Variants in SORBS2 observed in about 807,000 individuals in gnomAD.
The protein encoded by SORBS2 is sorbin and SH3 domain containing 2.
A neutral mutation model predicts 97.7 loss-of-function variants in SORBS2; 46 were observed. The ratio of observed to expected loss-of-function variants is 0.47; its 90% CI spans 0.37 to 0.60. SORBS2 has a LOEUF of 0.60. Among genes scored for constraint, SORBS2 ranks in the 20% least tolerant of loss-of-function variants. The pLI is 0.00. For synonymous variants in SORBS2, 476 were observed against 473.4 expected, an observed-to-expected ratio of 1.01 and a Z score of -0.07; for missense variants, 1,316 against 1,282.3, an observed-to-expected ratio of 1.03 and a Z score of -0.40.
At chr4:185,742,476 C>T (rs1217500657) in intron 2 of SORBS2, among the ~76,000 whole-genome samples, 1 of 152,196 alleles carries the variant, frequency 6.6e-6, no homozygotes, top group Non-Finnish European at 1.5e-5. Flanking sequence ...GCACCTACTA[C>T]TGCCCAGACA....
At chr4:185,646,574 G>T in intron 4 of SORBS2, 94 bp downstream of exon 13, 1 of 698,406 alleles carries the variant, frequency 1.4e-6, no homozygotes, top group South Asian at 1.7e-5. Flanking sequence ...TTACCTTTGT[G>T]ACAAAAATTG....
intron 1 of SORBS2, among the ~76,000 whole-genome samples, chr4:185,928,923 C>A (rs1200245614): frequency 2.0e-5 from 3 of 152,148 alleles, no homozygotes; most frequent in Admixed American, 6.5e-5. Flanking sequence ...AAGTCATGGG[C>A]ACTGTGTTGA....
intron 2 of SORBS2, among the ~76,000 whole-genome samples, chr4:185,759,997 T>C (rs2098862819): frequency 6.6e-6 from 1 of 152,192 alleles, no homozygotes; most frequent in African/African-American, 2.4e-5. Flanking sequence ...ATTTCCATCG[T>C]AGACTCCACG....
intron 2 of SORBS2, among the ~76,000 whole-genome samples, chr4:185,736,927 G>T (rs1447978149): frequency 6.6e-6 from 1 of 152,200 alleles, no homozygotes; most frequent in Non-Finnish European, 1.5e-5. Context: ...TACTGGCACG[G>T]TTTCTCCCTG....
At chr4:185,678,306 C>A (rs1582546949) in intron 4 of SORBS2, 117 bp downstream of exon 7, 1 of 941,170 alleles carries the variant, frequency 1.1e-6, no homozygotes, top group Non-Finnish European at 1.5e-6. Context: ...AATACAAAAG[C>A]AAAAACATAT....
chr4:185,704,963 G>A (rs974407926), intron 2 of SORBS2, among the ~76,000 whole-genome samples: 9 of 152,308 alleles, frequency 5.9e-5, no homozygotes, highest in African/African-American at 2.2e-4. Flanking sequence ...CAATGGATCC[G>A]AAATGGATGA....
chr4:185,794,884 C>A (rs112922547), intron 1 of SORBS2, among the ~76,000 whole-genome samples: 2,530 of 152,084 alleles, frequency 0.017, 64 homozygotes, highest in African/African-American at 0.057. Context: ...AGACCTCTGG[C>A]CTGGGGAGAA....
intron 2 of SORBS2, among the ~76,000 whole-genome samples, chr4:185,694,387 C>T (rs1368083013): frequency 6.6e-6 from 1 of 152,184 alleles, no homozygotes. Context: ...TGGAGACTAC[C>T]TTGAGCCTTA....
intron 1 of SORBS2, among the ~76,000 whole-genome samples, chr4:185,919,809 T>C (rs1203405323): frequency 6.6e-6 from 1 of 152,264 alleles, no homozygotes; most frequent in Non-Finnish European, 1.5e-5. Flanking sequence ...TATCTTATTG[T>C]CCTGCTGTCA....
intron 2 of SORBS2, among the ~76,000 whole-genome samples, chr4:185,703,896 T>C (rs1436904800): frequency 1.3e-5 from 2 of 152,130 alleles, no homozygotes; most frequent in Non-Finnish European, 2.9e-5. Flanking sequence ...AAAGTGCTTG[T>C]GAAAAAAGGC....
intron 1 of SORBS2, among the ~76,000 whole-genome samples, chr4:185,921,564 G>C (rs2099260928): frequency 6.6e-6 from 1 of 152,136 alleles, no homozygotes; most frequent in African/African-American, 2.4e-5. Flanking sequence ...AATTGATCAG[G>C]AGTTCAAGAC....
exon 4 of SORBS2, chr4:185,646,670 G>C (rs1023125188): frequency 1.3e-6 from 2 of 1,594,714 alleles, no homozygotes; most frequent in East Asian, 4.5e-5. Flanking sequence ...GTGCTTACTG[G>C]TCTTTCATGC....
At chr4:185,902,248 A>G (rs776966010) in intron 1 of SORBS2, among the ~76,000 whole-genome samples, 63 of 152,178 alleles carry the variant, frequency 4.1e-4, no homozygotes, top group Non-Finnish European at 1.5e-4. Flanking sequence ...TCTGAGTCCT[A>G]CTTTTAATAC....
intron 2 of SORBS2, among the ~76,000 whole-genome samples, chr4:185,757,691 G>C (rs969419319): frequency 7.2e-5 from 11 of 152,204 alleles, no homozygotes; most frequent in African/African-American, 2.7e-4. Flanking sequence ...TGGTCTAGCA[G>C]AGAGAAGCCT....
At chr4:185,633,825 T>C (rs894652120) in intron 4 of SORBS2, among the ~76,000 whole-genome samples, 1 of 151,882 alleles carries the variant, frequency 6.6e-6, no homozygotes, top group African/African-American at 2.4e-5. Context: ...GAATTGGACA[T>C]GATGCACTCT....
chr4:185,815,646 C>T lies in SORBS2; in HGVS notation c.-337-40280G>A, dbSNP rs540881400. Among the ~76,000 whole-genome samples, 16 of 152,024 alleles carry T rather than the reference C, an allele frequency of 1.1e-4. 1 individual carries two copies. In the South Asian group the frequency reaches 2.3e-3, roughly 22 times the overall value. On this transcript the variant is annotated intron_variant, in intron 1 of 20. Transcript: ENST00000284776. Reference sequence around the variant, plus strand: ...CACATATATATGCTCTAATAGTATACGCACACACATATATATGGAGAGAGA... The same window carrying T: ...CACATATATATGCTCTAATAGTATATGCACACACATATATATGGAGAGAGA...
At chr4:185,812,469 A>G (rs927077315) in intron 1 of SORBS2, among the ~76,000 whole-genome samples, 33 of 152,190 alleles carry the variant, frequency 2.2e-4, no homozygotes, top group African/African-American at 7.7e-4. Flanking sequence ...ACTCTTTTTT[A>G]TATGAGCCGG....
intron 2 of SORBS2, among the ~76,000 whole-genome samples, chr4:185,761,014 T>G (rs556522334): frequency 6.6e-6 from 1 of 152,350 alleles, no homozygotes; most frequent in Non-Finnish European, 1.5e-5. Context: ...CAGACACACA[T>G]ATACTTGTGT....
intron 2 of SORBS2, among the ~76,000 whole-genome samples, chr4:185,769,578 C>A (rs1260049084): frequency 1.3e-5 from 2 of 152,268 alleles, no homozygotes; most frequent in East Asian, 3.9e-4. Flanking sequence ...GCAACCTGTG[C>A]CTCCCGGGTT....
Sources: gnomAD v4.1 joint callset for allele counts (sites outside exome capture counted in the v4.1 genomes callset) on GRCh38, gnomAD v4.1.1 for gene constraint, MANE v1.5 for transcripts, NCBI Gene and HGNC (gene_info 2026-07-23, HGNC 2026-07-21) for gene names.